Variants in DIP2C observed in about 807,000 individuals in gnomAD.
DIP2C encodes DIP2 acetate--CoA ligase C (putative).
In DIP2C, 33 loss-of-function variants were observed where a neutral mutation model predicts 192.4. That is an observed-to-expected ratio of 0.17 (90% CI 0.13 to 0.23). The LOEUF (loss-of-function observed/expected upper bound fraction) is 0.23, where lower values mean the gene tolerates loss of function less well. DIP2C is among the 10% of genes least tolerant of loss of function. The pLI is 1.00. For synonymous variants in DIP2C, 979 were observed against 864.1 expected (o/e 1.13, Z -2.33); for missense variants, 1,537 against 2,110.1 (o/e 0.73, Z 5.32).
At chr10:641,456 C>G (rs982293444) in intron 1 of DIP2C, among the ~76,000 whole-genome samples, 1 of 152,178 alleles carries the variant, frequency 6.6e-6, no homozygotes, top group African/African-American at 2.4e-5. Context: ...ATCCCAGGCA[C>G]CTTAAAGCTG....
intron 1 of DIP2C, among the ~76,000 whole-genome samples, chr10:503,496 G>C (rs1845392896): frequency 6.6e-6 from 1 of 152,170 alleles, no homozygotes; most frequent in East Asian, 1.9e-4. Context: ...ATGGAACCAA[G>C]GGCTACAAAG....
intron 1 of DIP2C, among the ~76,000 whole-genome samples, chr10:637,010 G>A (rs993063366): frequency 6.6e-6 from 1 of 152,262 alleles, no homozygotes; most frequent in Non-Finnish European, 1.5e-5. Flanking sequence ...ACACCTGGAG[G>A]GGCCGCGGGC....
At chr10:470,063 A>T (rs1970505272) in intron 3 of DIP2C, among the ~76,000 whole-genome samples, 1 of 152,126 alleles carries the variant, frequency 6.6e-6, no homozygotes, top group Non-Finnish European at 1.5e-5. Flanking sequence ...TGATAGATGG[A>T]CGGATGGTGG....
chr10:548,483 T>C (rs816648), intron 1 of DIP2C, among the ~76,000 whole-genome samples: 86,917 of 135,620 alleles, frequency 0.64, 28,129 homozygotes, highest in African/African-American at 0.82. Flanking sequence ...AGGCAGGCAG[T>C]GAGGCCAGAG....
intron 1 of DIP2C, among the ~76,000 whole-genome samples, chr10:597,278 C>T (rs1851766806): frequency 6.6e-6 from 1 of 152,218 alleles, no homozygotes; most frequent in Admixed American, 6.5e-5. Flanking sequence ...CCTCCCAGGC[C>T]TCCAGGTTGC....
intron 1 of DIP2C, among the ~76,000 whole-genome samples, chr10:592,949 CTG>C (rs1301963083): frequency 1.3e-5 from 2 of 152,162 alleles, no homozygotes; most frequent in African/African-American, 2.4e-5. Context: ...CACGAGGTCA[CTG>C]TTATTTGTAC....
intron 1 of DIP2C, among the ~76,000 whole-genome samples, chr10:613,266 A>C (rs1417536293): frequency 6.6e-6 from 1 of 152,258 alleles, no homozygotes; most frequent in Non-Finnish European, 1.5e-5. Flanking sequence ...GGACGCTCGG[A>C]CAGTCCCTTA....
At chr10:608,959 A>G (rs1001074831) in intron 1 of DIP2C, among the ~76,000 whole-genome samples, 2 of 151,820 alleles carry the variant, frequency 1.3e-5, no homozygotes, top group African/African-American at 2.4e-5. Context: ...CACAATGTCT[A>G]TTAGAAGAAT....
intron 14 of DIP2C, among the ~76,000 whole-genome samples, chr10:387,022 A>G (rs1963000942): frequency 6.6e-6 from 1 of 152,208 alleles, no homozygotes; most frequent in Admixed American, 6.5e-5. Flanking sequence ...GCCATCCTCA[A>G]GGGCAAATCT....
chr10:498,757 T>C (rs1482215944), intron 1 of DIP2C, among the ~76,000 whole-genome samples: 4 of 152,290 alleles, frequency 2.6e-5, no homozygotes, highest in African/African-American at 9.6e-5. Context: ...CACCTCAGGA[T>C]GAGCCAGGAC....
rs368601302 is a variant in DIP2C, at chr10:594,422, C to T, written c.85+95072G>A. 1.7e-3 allele frequency among the ~76,000 whole-genome samples: 254 copies of T among 151,934 alleles called. 1 individual carries two copies. Among genetic ancestry groups the T allele is most frequent in the African/African-American group, 4.7e-3 (193 of 41,348 alleles). ...CCATTTCAACATAAGGGAACATGGC[C>T]GAGTACAAACCATTTCAACATAAGG... On this transcript the variant is annotated intron_variant, in intron 1 of 36. Coordinates refer to ENST00000280886, the MANE Select transcript of DIP2C (RefSeq NM_014974.3).
intron 29 of DIP2C, among the ~76,000 whole-genome samples, chr10:340,125 G>A (rs577438422): frequency 6.0e-4 from 91 of 151,774 alleles, no homozygotes; most frequent in African/African-American, 2.1e-3. Flanking sequence ...AGGTTGCAGT[G>A]AGCTGAGATT....
At position 277,516 on chromosome 10, in the gene DIP2C, C is replaced by G. The variant is rs763995802; in HGVS notation, c.4480G>C (p.Glu1494Gln). ...ACCAAGGGAACCAGGTCCAAGGCTT[C>G]TTGTTCCGACCCATCCAGCTCAACC... ...VVVELDGSEQ[E>Q]ALDLVPLVTN... The change falls in exon 37 of 37, where the codon GAA becomes CAA. Residue 1494 changes from glutamate (E) to glutamine (Q), a missense_variant. Physicochemically the swap from Glu to Gln is conservative, Grantham distance 29. Coordinates refer to ENST00000280886, the MANE Select transcript of DIP2C (RefSeq NM_014974.3). 1 of 1,614,202 alleles carries G rather than the reference C, an allele frequency of 6.2e-7. No individual in the cohort carries two copies. The highest frequency in any genetic ancestry group is 8.5e-7 in the Non-Finnish European group (1 of 1,180,048).
At chr10:286,370 CTT>C (rs144036170) in intron 33 of DIP2C, 23 bp from the exon 34 acceptor site, 72 of 1,607,312 alleles carry the variant, frequency 4.5e-5, no homozygotes, top group Non-Finnish European at 5.8e-5. Flanking sequence ...GGAAAAGTCT[CTT>C]GTCAATGGGA....
intron 1 of DIP2C, among the ~76,000 whole-genome samples, chr10:577,916 T>A (rs528358644): frequency 6.6e-6 from 1 of 152,230 alleles, no homozygotes; most frequent in East Asian, 1.9e-4. Context: ...GAACCTGGAA[T>A]TTACCTTTGA....
intron 1 of DIP2C, among the ~76,000 whole-genome samples, chr10:548,211 C>A (rs936068026): frequency 5.5e-5 from 6 of 108,424 alleles, no homozygotes; most frequent in East Asian, 3.4e-4. Context: ...CTGCCCCACC[C>A]CCCCCCCCAC....
intron 4 of DIP2C, among the ~76,000 whole-genome samples, chr10:425,916 T>C (rs894846819): frequency 5.3e-5 from 8 of 152,230 alleles, no homozygotes; most frequent in African/African-American, 1.7e-4. Flanking sequence ...GTGTATTTAA[T>C]GGTAAACAAT....
chr10:647,837 C>G (rs11253297), intron 1 of DIP2C, among the ~76,000 whole-genome samples: 5 of 147,754 alleles, frequency 3.4e-5, no homozygotes, highest in African/African-American at 1.3e-4. Flanking sequence ...ACTGAGTCCA[C>G]GTCCACATTT....
intron 2 of DIP2C, among the ~76,000 whole-genome samples, chr10:473,821 C>T (rs1812673398): frequency 2.0e-5 from 3 of 152,190 alleles, no homozygotes; most frequent in Non-Finnish European, 4.4e-5. Context: ...CCTGGTTTTC[C>T]ATGATGGGCT....
Sources: gnomAD v4.1 joint callset for allele counts (sites outside exome capture counted in the v4.1 genomes callset) on GRCh38, gnomAD v4.1.1 for gene constraint, MANE v1.5 for transcripts, NCBI Gene and HGNC (gene_info 2026-07-23, HGNC 2026-07-21) for gene names.